The following TTLL7 variants were observed in gnomAD, a reference collection of about 807,000 sequenced individuals.
TTLL7 encodes tubulin tyrosine ligase like 7.
Under a neutral mutation model 120.2 loss-of-function variants are expected in TTLL7, and 53 were observed. The ratio of observed to expected loss-of-function variants is 0.44; its 90% confidence interval spans 0.35 to 0.55. The LOEUF (loss-of-function observed/expected upper bound fraction) is 0.55, where lower values mean the gene tolerates loss of function less well. Ranked by LOEUF, TTLL7 falls within the 20% of genes least tolerant of loss-of-function variation. The pLI is 0.00. For synonymous variants in TTLL7, 353 were observed against 351.7 expected, an observed-to-expected ratio of 1.00 and a Z score of -0.04; for missense variants, 803 against 1,054.7, an observed-to-expected ratio of 0.76 and a Z score of 3.31.
chr1:83,936,271 A>G (rs1024584604), intron 8 of TTLL7, among the ~76,000 whole-genome samples: 7 of 152,138 alleles, frequency 4.6e-5, no homozygotes, highest in Non-Finnish European at 1.0e-4. Flanking sequence ...CTCTCTATAC[A>G]TGCCTCACCA....
intron 19 of TTLL7, among the ~76,000 whole-genome samples, chr1:83,883,788 C>G (rs1401006760): frequency 6.6e-6 from 1 of 152,010 alleles, no homozygotes; most frequent in Non-Finnish European, 1.5e-5. Context: ...TTGTTGACCT[C>G]TCTTCACTAG....
chr1:83,899,432 G>A (rs1656515441), intron 18 of TTLL7, among the ~76,000 whole-genome samples: 1 of 151,888 alleles, frequency 6.6e-6, no homozygotes. Flanking sequence ...ATTCCTCAGC[G>A]ACTTTCAGGG....
intron 1 of TTLL7, among the ~76,000 whole-genome samples, chr1:83,991,204 G>A (rs1037303282): frequency 1.3e-5 from 2 of 152,180 alleles, no homozygotes; most frequent in African/African-American, 4.8e-5. Flanking sequence ...AAGCTAGGGG[G>A]AGGTGGGTGA....
intron 18 of TTLL7, among the ~76,000 whole-genome samples, chr1:83,902,816 G>C (rs753980972): frequency 2.0e-5 from 3 of 151,654 alleles, no homozygotes; most frequent in Non-Finnish European, 4.4e-5. Context: ...TTTTCACTTG[G>C]ATGTCCAATC....
Position 83,917,643 on chromosome 1 carries a change from T to C in TTLL7, c.1548A>G (p.Glu516=). 6.2e-7 allele frequency: 1 copy of C among 1,613,536 alleles called. No homozygotes were observed. The highest frequency in any genetic ancestry group is 1.3e-5 in the African/African-American group (1 of 75,024). The change falls in exon 14 of 21, where the codon GAA becomes GAG. Residue 516 remains glutamate (E), a synonymous_variant. Coordinates refer to ENST00000260505, the MANE Select transcript of TTLL7 (RefSeq NM_024686.6). ...TCTTGGTAGTTTTTCCCATCAACTTTTCATCATCAATTTCACATTGCTCCA... is the reference window on the plus strand; with the variant it reads ...TCTTGGTAGTTTTTCCCATCAACTTCTCATCATCAATTTCACATTGCTCCA... ...DLLEQCEIDD[E]KLMGKTTKTR...
chr1:83,885,777 A>C (rs1297212049), intron 19 of TTLL7, among the ~76,000 whole-genome samples: 1 of 152,090 alleles, frequency 6.6e-6, no homozygotes, highest in Non-Finnish European at 1.5e-5. Context: ...TAGTTGTGAA[A>C]TGCCTCTATA....
rs564688635 is a variant in TTLL7, at chr1:83,899,062, A to T, written c.2208+5017T>A. 2.0e-5 allele frequency among the ~76,000 whole-genome samples: 3 copies of T among 152,004 alleles called. No individual in the cohort carries two copies. In the East Asian group the frequency reaches 5.8e-4, roughly 30 times the overall value. On this transcript the variant is annotated intron_variant, in intron 18 of 20. Transcript: ENST00000260505. Reference sequence around the variant, plus strand: ...AGAACCTACAAATTTTGGCAGGGTTAACTTTATAAAAATGGAAAGTTTTAT... The same window carrying T: ...AGAACCTACAAATTTTGGCAGGGTTTACTTTATAAAAATGGAAAGTTTTAT...
At chr1:83,985,768 G>A (rs1178275285) in intron 1 of TTLL7, among the ~76,000 whole-genome samples, 1 of 151,830 alleles carries the variant, frequency 6.6e-6, no homozygotes, top group Non-Finnish European at 1.5e-5. Context: ...GATAATAAGG[G>A]AAAATTATGA....
intron 1 of TTLL7, among the ~76,000 whole-genome samples, chr1:83,954,895 C>G (rs1038016568): frequency 6.7e-6 from 1 of 149,150 alleles, no homozygotes; most frequent in Non-Finnish European, 1.5e-5. Flanking sequence ...AAAAATTTGA[C>G]GGTGAGCACA....
At position 83,968,708 on chromosome 1, in the gene TTLL7, T is replaced by G. The variant is rs528783283; in HGVS notation, c.-176-16321A>C. On this transcript the variant is annotated intron_variant, in intron 1 of 20. Transcript: ENST00000260505. The stretch of plus-strand genomic sequence containing the variant: ...TTATTCCTACATGGAGTACTCATCT[T>G]ATACTGTCAAGGAAAAATGAGAAGC... Among the ~76,000 whole-genome samples the G allele has an allele frequency of 7.8e-4, 119 of 152,198 alleles. 1 individual carries two copies. The highest frequency in any genetic ancestry group is 2.7e-3 in the African/African-American group (113 of 41,554).
intron 18 of TTLL7, among the ~76,000 whole-genome samples, chr1:83,899,779 T>C (rs1193476195): frequency 2.0e-5 from 3 of 151,778 alleles, no homozygotes; most frequent in Non-Finnish European, 1.5e-5. Context: ...TAGCAGGGTA[T>C]AAAAATTGTA....
intron 18 of TTLL7, among the ~76,000 whole-genome samples, chr1:83,903,565 A>G (rs1049218159): frequency 6.6e-6 from 1 of 151,988 alleles, no homozygotes; most frequent in Admixed American, 6.6e-5. Context: ...CATATAACCT[A>G]TGCACATCCA....
In TTLL7 at chr1:83,904,038, A is replaced by C. The variant is rs55911027; in HGVS notation, c.2208+41T>G. 4 of 1,496,698 alleles carry C rather than the reference A, an allele frequency of 2.7e-6. No homozygotes were observed. In the African/African-American group the frequency reaches 4.1e-5, roughly 16 times the overall value. 92.7% of individuals were successfully genotyped at this position (1,496,698 alleles called of 1,614,324 possible). On this transcript the variant is annotated intron_variant, in intron 18 of 20. Transcript: ENST00000260505. ...TGGCTTAATGATCCTAGCTTAATAC[A>C]TAATCCAAGAGGGAAAAAACTTGTT...
chr1:83,990,223 C>T (rs1652858317), intron 1 of TTLL7, among the ~76,000 whole-genome samples: 1 of 140,428 alleles, frequency 7.1e-6, no homozygotes, highest in South Asian at 2.2e-4. Context: ...GGCCGGACTG[C>T]GGACTGCAGT....
intron 8 of TTLL7, among the ~76,000 whole-genome samples, chr1:83,936,188 C>A (rs1482364786): frequency 6.6e-6 from 1 of 152,064 alleles, no homozygotes; most frequent in Non-Finnish European, 1.5e-5. Context: ...TCTCTTAATT[C>A]AATTGTGTAG....
At chr1:83,983,084 C>G (rs1652117789) in intron 1 of TTLL7, among the ~76,000 whole-genome samples, 1 of 152,092 alleles carries the variant, frequency 6.6e-6, no homozygotes, top group Non-Finnish European at 1.5e-5. Context: ...GTAATCCCAG[C>G]AGTTTGGGAG....
intron 6 of TTLL7, among the ~76,000 whole-genome samples, chr1:83,943,710 G>C (rs481354): frequency 0.82 from 124,303 of 152,182 alleles, 51,466 homozygotes; most frequent in African/African-American, 0.95. Flanking sequence ...GTATAATACT[G>C]AAAATGTTCG....
chr1:83,889,918 G>A (rs1429377723), intron 19 of TTLL7: 10 of 457,536 alleles, frequency 2.2e-5, no homozygotes, highest in East Asian at 6.9e-5. Flanking sequence ...AGCCATTTCC[G>A]AATAAAAGGA....
intron 1 of TTLL7, chr1:83,984,154 C>A (rs1652225842): frequency 2.0e-5 from 3 of 152,274 alleles, no homozygotes; most frequent in African/African-American, 4.8e-5. Flanking sequence ...AAGTGGCCAA[C>A]AAACATGAAA....
Sources: allele counts gnomAD v4.1 joint callset (sites outside exome capture counted in the v4.1 genomes callset), GRCh38; gene constraint gnomAD v4.1.1; transcripts MANE v1.5; gene names NCBI Gene and HGNC (gene_info 2026-07-23, HGNC 2026-07-21).